Variants in MDN1 observed in about 807,000 individuals in gnomAD.
The protein encoded by MDN1 is midasin.
In MDN1, 266 loss-of-function variants were observed where a neutral mutation model predicts 669.2. The observed-to-expected ratio is 0.40, with a 90% CI of 0.36 to 0.44. MDN1 has a LOEUF of 0.44. Among genes scored for constraint, MDN1 ranks in the 20% least tolerant of loss-of-function variants. The probability of loss-of-function intolerance (pLI) is 1.00; values close to 1 mark genes in which losing one functional copy is unlikely to be tolerated. For synonymous variants in MDN1, 2,385 were observed against 2,457.1 expected (o/e 0.97, Z 0.87); for missense variants, 5,940 against 6,754.0 (o/e 0.88, Z 4.22).
chr6:89,677,179 C>T (rs1215780484), intron 76 of MDN1, among the ~76,000 whole-genome samples: 2 of 152,010 alleles, frequency 1.3e-5, no homozygotes, highest in East Asian at 3.9e-4. Context: ...GCAACCTCCA[C>T]CTCCCAGGTT....
At position 89,708,527 on chromosome 6, in the gene MDN1, G is replaced by C. The variant is rs775806310; in HGVS notation, c.7867C>G (p.Leu2623Val). The stretch of plus-strand genomic sequence containing the variant: ...GCAGCTGATTCTAAAAGGGCAAAGA[G>C]CTGGTCAGGCTGGTCCGTTTGTGGG... Reference protein sequence around the residue: ...FDPQTDQPDQLFALLESAANK... With the variant: ...FDPQTDQPDQVFALLESAANK... Residue 2623 changes from leucine (L) to valine (V), a missense_variant, in exon 51 of 102, where the codon CTC (leucine) becomes GTC (valine). Physicochemically the swap from Leu to Val is conservative, Grantham distance 32. Around this residue, in one of 5 missense-constraint regions of MDN1, gnomAD observed 2,292 missense variants for 2,638.3 expected, o/e 0.87. Coordinates refer to ENST00000369393, the MANE Select transcript of MDN1 (RefSeq NM_014611.3). 8.1e-6 allele frequency: 13 copies of C among 1,614,050 alleles called. No individual in the cohort carries two copies. The highest frequency in any genetic ancestry group is 1.1e-5 in the Non-Finnish European group (13 of 1,179,950).
rs115884221 is a variant in MDN1, at chr6:89,655,952, G to A, written c.15302C>T (p.Pro5101Leu). 2.0e-5 allele frequency: 33 copies of A among 1,613,698 alleles called. No individual in the cohort carries two copies. In the African/African-American group the frequency reaches 2.7e-4, roughly 13 times the overall value. The part of the protein sequence containing the change: ...RKNTQSFKRK[P>L]GQADNERSMG... The stretch of plus-strand genomic sequence containing the variant: ...GGAACGTTCATTGTCAGCCTGCCCA[G>A]GTTTCCTCTTAAAACTCTGAGAAAT... Residue 5101 changes from proline (P) to leucine (L), a missense_variant, in exon 92 of 102, where the codon CCT becomes CTT. Pro to Leu is a moderately conservative substitution (Grantham distance 98). Around this residue, in one of 5 missense-constraint regions of MDN1, gnomAD observed 2,280 missense variants for 2,576.3 expected, o/e 0.88. Coordinates refer to ENST00000369393, the MANE Select transcript of MDN1 (RefSeq NM_014611.3).
In MDN1 at chr6:89,683,129, T is replaced by C; in HGVS notation, c.12102+3A>G. The C allele has an allele frequency of 6.2e-7, 1 of 1,613,964 alleles. No homozygotes were observed. Among genetic ancestry groups the C allele is most frequent in the Non-Finnish European group, 8.5e-7 (1 of 1,179,982 alleles). On this transcript the variant is annotated splice_donor_region_variant and intron_variant, in intron 73 of 101. Transcript: ENST00000369393. ...AAGCCAGCACTGTCCCACAACCAAG[T>C]ACCTGCCCAGCTGCTGGTTGGGCTA... is the stretch of plus-strand genomic sequence containing the variant.
chr6:89,730,965 C>T (rs1426301059), intron 34 of MDN1, 42 bp from the exon 35 acceptor site: 4 of 1,535,666 alleles, frequency 2.6e-6, no homozygotes, highest in Non-Finnish European at 3.6e-6. Context: ...CAGTACAACA[C>T]CAAGCTTCAC....
Position 89,819,757 on chromosome 6 carries a change from C to A in MDN1, c.-150G>T, listed in dbSNP as rs972450155. 3.3e-5 allele frequency: 21 copies of A among 645,284 alleles called. No individual in the cohort carries two copies. The East Asian group carries it at 3.6e-4, about 11-fold the overall frequency. 40.0% of individuals were successfully genotyped at this position (645,284 alleles called of 1,614,324 possible). ...TCCAGCGCCTACACCGGGAGAGGGGCACCACACGTGGGTGAGCACACGGCG... is the reference window on the plus strand; with the variant it reads ...TCCAGCGCCTACACCGGGAGAGGGGAACCACACGTGGGTGAGCACACGGCG... On this transcript the variant is annotated 5_prime_UTR_variant, in exon 1 of 102. Transcript: ENST00000369393.
At chr6:89,771,451 C>G (rs1233678819) in intron 15 of MDN1, 110 bp downstream of exon 15, 13 of 920,948 alleles carry the variant, frequency 1.4e-5, no homozygotes, top group Non-Finnish European at 2.2e-5. Context: ...AACTCTTTTT[C>G]TATTGCATCG....
At position 89,699,646 on chromosome 6, in the gene MDN1, T is replaced by G; in HGVS notation, c.8952A>C (p.Thr2984=). The change falls in exon 58 of 102, where the codon ACA becomes ACC. Residue 2984 remains threonine, a synonymous_variant. Coordinates refer to ENST00000369393, the MANE Select transcript of MDN1 (RefSeq NM_014611.3). ...ISFCLYHTPV[T]PQELRDLWSL... is the part of the protein sequence containing the mutation. ...ACCACAGATCTCGAAGCTCTTGAGG[T>G]GTAACAGGTGTGTGATAAAGACAAA... 1 of 1,614,038 alleles carries G rather than the reference T, an allele frequency of 6.2e-7. No homozygotes were observed.
intron 15 of MDN1, among the ~76,000 whole-genome samples, chr6:89,767,991 C>T (rs1229966718): frequency 6.7e-6 from 1 of 150,076 alleles, no homozygotes; most frequent in Non-Finnish European, 1.5e-5. Context: ...GCAATAAGCC[C>T]TGATGGTGCC....
rs1392977779 is a variant in MDN1 at position 89,676,207 on chromosome 6, C to A, written c.12540G>T (p.Arg4180Ser). ...IVSSTQEADSRLLTEISSSWD... is the reference protein window; with the variant it reads ...IVSSTQEADSSLLTEISSSWD... ...ATGAAGACGAGATTTCTGTAAGCAG[C>A]CTGGAAAAGATATCAACATTGTTTA... The change falls in exon 77 of 102, where the codon AGG becomes AGT. Residue 4180 changes from arginine to serine, a missense_variant and splice_region_variant. This residue lies in a region of MDN1 where 2,280 missense variants were observed against 2,576.3 expected (regional missense o/e 0.88). Coordinates refer to ENST00000369393, the MANE Select transcript of MDN1 (RefSeq NM_014611.3). The A allele has an allele frequency of 6.2e-7, 1 of 1,613,678 alleles. No individual in the cohort carries two copies. The highest frequency in any genetic ancestry group is 8.5e-7 in the Non-Finnish European group (1 of 1,179,702).
intron 60 of MDN1, 22 bp from the exon 61 acceptor site, chr6:89,696,014 A>G (rs769820383): frequency 1.9e-6 from 3 of 1,593,758 alleles, no homozygotes; most frequent in Non-Finnish European, 2.6e-6. Flanking sequence ...AAAAGAAAGC[A>G]CTGAAAGGTT....
intron 7 of MDN1, among the ~76,000 whole-genome samples, chr6:89,788,224 C>T (rs1169990814): frequency 6.6e-6 from 1 of 152,094 alleles, no homozygotes; most frequent in East Asian, 1.9e-4. Context: ...GCTTTAGAGC[C>T]TAGAGGCTGA....
chr6:89,655,722 A>G (rs1271443491), intron 92 of MDN1, 42 bp downstream of exon 92: 2 of 1,537,634 alleles, frequency 1.3e-6, no homozygotes, highest in African/African-American at 2.7e-5. Flanking sequence ...GCTCTCATAG[A>G]GAGCTCAGTG....
chr6:89,746,609 AAAAAAGAAAGAAAGAAAG>A (rs1417620076), intron 27 of MDN1, among the ~76,000 whole-genome samples: 202 of 14,774 alleles, frequency 0.014, 5 homozygotes, highest in Middle Eastern at 0.031. Context: ...AAAAAAAAAA[AAAAAAGAAAGAAAGAAAG>A]AAAGAAAGAA....
At chr6:89,666,587 TC>T (rs1442385996) in intron 84 of MDN1, among the ~76,000 whole-genome samples, 1 of 151,940 alleles carries the variant, frequency 6.6e-6, no homozygotes, top group Non-Finnish European at 1.5e-5. Flanking sequence ...CCTGCCTTGG[TC>T]TCCCAAAGTG....
intron 62 of MDN1, 121 bp from the exon 63 acceptor site, chr6:89,693,269 A>G (rs1035492954): frequency 1.2e-5 from 8 of 668,196 alleles, no homozygotes; most frequent in East Asian, 2.7e-5. Flanking sequence ...AATATTTCCA[A>G]TATCATCTCA....
intron 49 of MDN1, among the ~76,000 whole-genome samples, chr6:89,711,528 C>A (rs970458079): frequency 6.6e-6 from 1 of 151,966 alleles, no homozygotes; most frequent in African/African-American, 2.4e-5. Flanking sequence ...GGGGCCTTAG[C>A]GTCCACGTAT....
chr6:89,745,243 C>A (rs1816543381), intron 29 of MDN1, 30 bp downstream of exon 29: 2 of 1,610,456 alleles, frequency 1.2e-6, no homozygotes, highest in African/African-American at 1.3e-5. Context: ...TTGAAATGAA[C>A]CCTCATGAGT....
chr6:89,658,414 A>C (rs200379149), intron 89 of MDN1, 44 bp from the exon 90 acceptor site: 179 of 1,612,032 alleles, frequency 1.1e-4, no homozygotes, highest in Non-Finnish European at 1.5e-4. Flanking sequence ...CTCTGGGGGA[A>C]CAGCATAAGG....
intron 59 of MDN1, among the ~76,000 whole-genome samples, chr6:89,698,318 C>G (rs1183132605): frequency 2.6e-5 from 4 of 152,124 alleles, no homozygotes; most frequent in Admixed American, 2.6e-4. Flanking sequence ...CTAGGATAGT[C>G]AATGTGGCAT....
Sources: allele counts gnomAD v4.1 joint callset (sites outside exome capture counted in the v4.1 genomes callset), GRCh38; gene constraint gnomAD v4.1.1; regional missense constraint gnomAD v4.1.1; transcripts MANE v1.5; gene names NCBI Gene and HGNC (gene_info 2026-07-23, HGNC 2026-07-21).